The following ALDH18A1 variants were observed in gnomAD, a reference collection of about 807,000 sequenced individuals.
ALDH18A1 encodes aldehyde dehydrogenase 18 family member A1, also known as delta-1-pyrroline-5-carboxylate synthase.
ALDH18A1 carries 44 observed loss-of-function variants against 88.8 expected under a neutral mutation model. The observed-to-expected ratio is 0.50, with a 90% CI of 0.39 to 0.64. The LOEUF is 0.64. ALDH18A1 is among the 30% of genes least tolerant of loss of function. The pLI is 0.00. For missense variants in ALDH18A1, 782 were observed against 1,009.5 expected (o/e 0.77, Z 3.05); for synonymous variants, 331 against 372.1 (o/e 0.89, Z 1.27).
rs79824924 is a variant in ALDH18A1, at chr10:95,609,373, G to A, written c.2206+824C>T. 3.1e-3 allele frequency among the ~76,000 whole-genome samples: 467 copies of A among 152,296 alleles called. 2 individuals are homozygous for A. The highest frequency in any genetic ancestry group is 0.011 in the African/African-American group (440 of 41,556). On this transcript the variant is annotated intron_variant, in intron 17 of 17. Transcript: ENST00000371224. ...TTTTGATGCTGGTACTTAGGCCCAC[G>A]GCACCTTCTTTTGTCCTACCATTGT...
intron 17 of ALDH18A1, among the ~76,000 whole-genome samples, chr10:95,609,022 A>C (rs1167835001): frequency 6.6e-6 from 1 of 152,024 alleles, no homozygotes; most frequent in Non-Finnish European, 1.5e-5. Flanking sequence ...ATTACAGGCA[A>C]GTGCCACCAT....
At chr10:95,637,491 T>C in intron 3 of ALDH18A1, 55 bp from the exon 4 acceptor site, 1 of 1,591,796 alleles carries the variant, frequency 6.3e-7, no homozygotes, top group Non-Finnish European at 8.6e-7. Context: ...CTCTTTCATC[T>C]CTTCACAAGG....
In ALDH18A1 at chr10:95,611,485, G is replaced by C. The variant is rs766140496; in HGVS notation, c.1924-43C>G. ...CAGGGGCAACAACATAAAAACAACT[G>C]AAATAAGCAAGTTCTAGGATAGAAC... On this transcript the variant is annotated intron_variant, in intron 15 of 17. Coordinates refer to ENST00000371224, the MANE Select transcript of ALDH18A1 (RefSeq NM_002860.4). 1.9e-6 allele frequency: 3 copies of C among 1,602,936 alleles called. No homozygotes were observed. In the East Asian group the frequency reaches 6.7e-5, roughly 36 times the overall value.
At chr10:95,645,297 T>TA (rs2097899333) in intron 2 of ALDH18A1, among the ~76,000 whole-genome samples, 1 of 152,258 alleles carries the variant, frequency 6.6e-6, no homozygotes, top group African/African-American at 2.4e-5. Flanking sequence ...AATGAATTAC[T>TA]AAAATTATCA....
intron 5 of ALDH18A1, among the ~76,000 whole-genome samples, chr10:95,636,076 C>G (rs1339055097): frequency 1.3e-5 from 2 of 152,178 alleles, no homozygotes. Context: ...TCTGTTTTAC[C>G]TCACTGACTT....
chr10:95,627,003 C>G (rs34287704), intron 9 of ALDH18A1, among the ~76,000 whole-genome samples: 1 of 152,142 alleles, frequency 6.6e-6, no homozygotes, highest in East Asian at 1.9e-4. Context: ...GCCTGTATTT[C>G]TGGGGCAGAC....
At chr10:95,614,214 TAA>T in intron 13 of ALDH18A1, 53 bp from the exon 14 acceptor site, 2 of 1,562,752 alleles carry the variant, frequency 1.3e-6, no homozygotes, top group South Asian at 2.2e-5. Flanking sequence ...ACACAAAATA[TAA>T]AAACAGCAGC....
Position 95,642,957 on chromosome 10 carries a change from T to C in ALDH18A1, c.303+35A>G, listed in dbSNP as rs774983091. On this transcript the variant is annotated intron_variant, in intron 3 of 17. Coordinates refer to ENST00000371224, the MANE Select transcript of ALDH18A1 (RefSeq NM_002860.4). ...CTGAACTAGCGACTTAAAAACCCAATTTTAGTACAGCATAATTTCTATCTT... is the reference window on the plus strand; with the variant it reads ...CTGAACTAGCGACTTAAAAACCCAACTTTAGTACAGCATAATTTCTATCTT... The C allele has an allele frequency of 1.9e-6, 3 of 1,609,550 alleles. No individual in the cohort carries two copies. In the African/African-American group the frequency reaches 4.0e-5, roughly 22 times the overall value.
chr10:95,629,681 C>T (rs2097865271), intron 7 of ALDH18A1, among the ~76,000 whole-genome samples: 1 of 152,148 alleles, frequency 6.6e-6, no homozygotes, highest in South Asian at 2.1e-4. Flanking sequence ...GCCAAACCTT[C>T]TCCAAAGACA....
rs1215446465 is a variant in ALDH18A1 at position 95,606,921 on chromosome 10, T to G, written c.2229A>C (p.Thr743=). ...FGLGAEVGIS[T]SRIHARGPVG... ...CTGGTCCCCGGGCGTGGATTCTCGATGTACTGATTCCCACTTCAGCTCCTG... is the reference window on the plus strand; with the variant it reads ...CTGGTCCCCGGGCGTGGATTCTCGAGGTACTGATTCCCACTTCAGCTCCTG... Residue 743 remains threonine (T), a synonymous_variant, in exon 18 of 18, where the codon ACA becomes ACC. Transcript: ENST00000371224. 6.2e-7 allele frequency: 1 copy of G among 1,614,158 alleles called. No individual in the cohort carries two copies. The highest frequency in any genetic ancestry group is 8.5e-7 in the Non-Finnish European group (1 of 1,180,012).
At position 95,633,593 on chromosome 10, in the gene ALDH18A1, T is replaced by C; in HGVS notation, c.615A>G (p.Gly205=). The C allele has an allele frequency of 1.2e-6, 2 of 1,614,112 alleles. No homozygotes were observed. Among genetic ancestry groups the C allele is most frequent in the Non-Finnish European group, 1.7e-6 (2 of 1,180,026 alleles). ...HDEQKRRNLN[G]TLHELLRMNI... ...TCATTCTAAGGAGTTCATGAAGTGT[T>C]CCATTGAGGTTCCGGCGCTTCTGCT... The change falls in exon 6 of 18, where the codon GGA becomes GGG. Residue 205 remains glycine, a synonymous_variant. Coordinates refer to ENST00000371224, the MANE Select transcript of ALDH18A1 (RefSeq NM_002860.4).
Position 95,610,300 on chromosome 10 carries a change from G to A in ALDH18A1, c.2111-8C>T, listed in dbSNP as rs1282171972. 6.2e-7 allele frequency: 1 copy of A among 1,613,580 alleles called. No homozygotes were observed. The highest frequency in any genetic ancestry group is 1.7e-5 in the Admixed American group (1 of 59,996). ...AGAACTCCGCTGTGTTTTCTGCAGG[G>A]TGAAGAAGGAGAAACCAAGTTAGGA... On this transcript the variant is annotated splice_region_variant and splice_polypyrimidine_tract_variant and intron_variant, in intron 16 of 17. Transcript: ENST00000371224.
At chr10:95,631,579 C>T (rs759378366) in intron 7 of ALDH18A1, among the ~76,000 whole-genome samples, 2 of 151,876 alleles carry the variant, frequency 1.3e-5, no homozygotes, top group Non-Finnish European at 2.9e-5. Context: ...CCCATCTCTA[C>T]TAAATATACA....
intron 14 of ALDH18A1, 21 bp from the exon 15 acceptor site, chr10:95,613,884 A>G (rs371794461): frequency 6.2e-7 from 1 of 1,614,074 alleles, no homozygotes; most frequent in African/African-American, 1.3e-5. Flanking sequence ...ATGAGCAAAG[A>G]ATTGTTTCCA....
intron 5 of ALDH18A1, among the ~76,000 whole-genome samples, chr10:95,635,251 A>AT (rs897043555): frequency 7.9e-5 from 12 of 152,198 alleles, no homozygotes; most frequent in African/African-American, 2.9e-4. Context: ...GAACATATAG[A>AT]TTCTAGTCAC....
chr10:95,640,528 G>C (rs2097889495), intron 3 of ALDH18A1, among the ~76,000 whole-genome samples: 1 of 152,134 alleles, frequency 6.6e-6, no homozygotes, highest in Admixed American at 6.5e-5. Flanking sequence ...CTTTAGTAGA[G>C]ATGAGGTTTC....
In ALDH18A1 at chr10:95,648,416, C is replaced by CATT. The variant is rs200136174; in HGVS notation, c.88+4871_88+4873dup. Reference sequence around the variant, plus strand: ...CATAAGTTAGGTATTATTATGAGTTCATTATTATTATTATCCCCATTTTAT... The same window carrying CATT: ...CATAAGTTAGGTATTATTATGAGTTCATTATTATTATTATTATCCCCATTTTAT... On this transcript the variant is annotated intron_variant, in intron 2 of 17. Transcript: ENST00000371224. Among the ~76,000 whole-genome samples, 6 of 151,928 alleles carry CATT rather than the reference C, an allele frequency of 3.9e-5. No individual in the cohort carries two copies. The East Asian group carries it at 1.2e-3, about 29-fold the overall frequency.
intron 2 of ALDH18A1, among the ~76,000 whole-genome samples, chr10:95,649,571 G>A (rs1226130497): frequency 6.6e-6 from 1 of 151,892 alleles, no homozygotes; most frequent in African/African-American, 2.4e-5. Context: ...TAGTCAGGAT[G>A]GTCTCGATAT....
chr10:95,629,134 T>C (rs1357330937), intron 7 of ALDH18A1, among the ~76,000 whole-genome samples: 1 of 152,154 alleles, frequency 6.6e-6, no homozygotes, highest in African/African-American at 2.4e-5. Context: ...AAATGTTACA[T>C]GCATACAATC....
Sources: gnomAD v4.1 joint callset for allele counts (sites outside exome capture counted in the v4.1 genomes callset) on GRCh38, gnomAD v4.1.1 for gene constraint, MANE v1.5 for transcripts, NCBI Gene and HGNC (gene_info 2026-07-23, HGNC 2026-07-21) for gene names.